Variants in BICRAL observed in about 807,000 individuals in gnomAD.
BICRAL encodes the protein BRD4-interacting chromatin-remodeling complex-associated protein-like.
A neutral mutation model predicts 91.8 loss-of-function variants in BICRAL; 8 were observed. The observed-to-expected ratio is 0.09, with a 90% CI of 0.05 to 0.16. The LOEUF is 0.16. BICRAL is among the 10% of genes least tolerant of loss of function. BICRAL has a pLI of 1.00. For missense variants in BICRAL, 1,038 were observed against 1,310.9 expected (o/e 0.79, Z 3.21); for synonymous variants, 445 against 491.1 (o/e 0.91, Z 1.24).
intron 1 of BICRAL, among the ~76,000 whole-genome samples, chr6:42,761,757 C>G (rs1235801451): frequency 6.6e-6 from 1 of 150,486 alleles, no homozygotes; most frequent in African/African-American, 2.4e-5. Flanking sequence ...TAAAAAATAC[C>G]AAAAAAAATA....
chr6:42,778,277 TG>T (rs1762830245), upstream of BICRAL, among the ~76,000 whole-genome samples: 1 of 152,206 alleles, frequency 6.6e-6, no homozygotes, highest in Non-Finnish European at 1.5e-5. Flanking sequence ...AAAGACTGCT[TG>T]TTCCAAAGAT....
At chr6:42,807,699 G>C (rs61505055) in intron 1 of BICRAL, among the ~76,000 whole-genome samples, 3 of 151,358 alleles carry the variant, frequency 2.0e-5, no homozygotes, top group East Asian at 4.0e-4. Flanking sequence ...CCAGCTACTC[G>C]GTAGGCTGAG....
intron 1 of BICRAL, among the ~76,000 whole-genome samples, chr6:42,808,648 A>G (rs1763777453): frequency 6.6e-6 from 1 of 152,164 alleles, no homozygotes; most frequent in South Asian, 2.1e-4. Context: ...CAGTTGAGTA[A>G]GAATTGAGCT....
chr6:42,757,992 A>G (rs1762487211), intron 1 of BICRAL, among the ~76,000 whole-genome samples: 1 of 152,192 alleles, frequency 6.6e-6, no homozygotes, highest in South Asian at 2.1e-4. Context: ...ACATCTGACC[A>G]TGCTCATGAC....
intron 6 of BICRAL, 137 bp downstream of exon 6, chr6:42,830,309 T>A: frequency 1.2e-6 from 1 of 847,298 alleles, no homozygotes; most frequent in Non-Finnish European, 1.8e-6. Flanking sequence ...CTCATGCCTG[T>A]AATCCCAACA....
At chr6:42,818,145 C>T (rs1255250244) in intron 2 of BICRAL, among the ~76,000 whole-genome samples, 5 of 152,102 alleles carry the variant, frequency 3.3e-5, no homozygotes, top group African/African-American at 9.7e-5. Flanking sequence ...CCTATTTCCC[C>T]ACTCCCTGCT....
chr6:42,829,448 C>T lies in BICRAL; in HGVS notation c.1115C>T (p.Pro372Leu). The part of the protein sequence containing the change: ...NIVNQQNTRK[P>L]VTSQAVSSTG... ...GTAAACCAACAGAACACAAGAAAGC[C>T]AGTCACCTCACAGGCAGTGAGCAGC... Residue 372 changes from proline to leucine, a missense_variant, in exon 6 of 13, where the codon CCA (proline) becomes CTA (leucine). Coordinates refer to ENST00000314073, the MANE Select transcript of BICRAL (RefSeq NM_001393499.1). 1 of 1,614,180 alleles carries T rather than the reference C, an allele frequency of 6.2e-7. No individual in the cohort carries two copies. The highest frequency in any genetic ancestry group is 8.5e-7 in the Non-Finnish European group (1 of 1,180,038).
At chr6:42,852,879 T>C (rs904879978) in intron 7 of BICRAL, among the ~76,000 whole-genome samples, 3 of 151,512 alleles carry the variant, frequency 2.0e-5, no homozygotes, top group African/African-American at 7.3e-5. Flanking sequence ...GGGCAGATCA[T>C]GAGGTCAGGA....
At position 42,853,742 on chromosome 6, in the gene BICRAL, G is replaced by GAAAAC. The variant is rs1361479735; in HGVS notation, c.2046+5_2046+9dup. 1 of 1,576,730 alleles carries GAAAAC rather than the reference G, an allele frequency of 6.3e-7. No individual in the cohort carries two copies. Among genetic ancestry groups the GAAAAC allele is most frequent in the Non-Finnish European group, 8.7e-7 (1 of 1,145,840 alleles). On this transcript the variant is annotated splice_donor_region_variant and intron_variant, in intron 8 of 12. Coordinates refer to ENST00000314073, the MANE Select transcript of BICRAL (RefSeq NM_001393499.1). The stretch of plus-strand genomic sequence containing the variant: ...TCCTGGCCATCCAGCTGTGCAGGTA[G>GAAAAC]AAAACTATTGGCATAGCCTCTTCCT...
intron 1 of BICRAL, among the ~76,000 whole-genome samples, chr6:42,753,687 G>T (rs1762416475): frequency 6.6e-6 from 1 of 151,840 alleles, no homozygotes; most frequent in African/African-American, 2.4e-5. Flanking sequence ...CCTTGGCTCA[G>T]TGCAACCCCC....
At chr6:42,777,506 A>T (rs1296285587), upstream of BICRAL, among the ~76,000 whole-genome samples, 1 of 152,190 alleles carries the variant, frequency 6.6e-6, no homozygotes, top group Admixed American at 6.6e-5. Context: ...CCGATAATTT[A>T]AAAAAATTTG....
intron 6 of BICRAL, among the ~76,000 whole-genome samples, chr6:42,850,887 G>A (rs893112179): frequency 1.3e-4 from 19 of 150,634 alleles, no homozygotes; most frequent in African/African-American, 4.4e-4. Flanking sequence ...AAAAACTGAG[G>A]GTAATTTAAA....
chr6:42,822,831 C>T lies in BICRAL; in HGVS notation c.77C>T (p.Pro26Leu). 3.2e-6 allele frequency: 5 copies of T among 1,571,702 alleles called. No homozygotes were observed. Among genetic ancestry groups the T allele is most frequent in the African/African-American group, 1.3e-5 (1 of 74,162 alleles). ...PQALNYFLHG[P>L]SNKSSNDDLT... is the part of the protein sequence containing the mutation. ...GCATTGAACTATTTTCTACATGGAC[C>T]TAGTAATAAATCTGTAAGTAATGCA... The change falls in exon 4 of 13, where the codon CCT becomes CTT. Residue 26 changes from proline to leucine, a missense_variant. Around this residue, in one of 5 missense-constraint regions of BICRAL, gnomAD observed 115 missense variants for 121.5 expected, o/e 0.95. Coordinates refer to ENST00000314073, the MANE Select transcript of BICRAL (RefSeq NM_001393499.1).
intron 1 of BICRAL, among the ~76,000 whole-genome samples, chr6:42,797,665 G>GT (rs1480296588): frequency 7.4e-4 from 112 of 152,130 alleles, no homozygotes; most frequent in Non-Finnish European, 3.4e-4. Flanking sequence ...AGCTATCACT[G>GT]TTTTTTTAAA....
intron 1 of BICRAL, among the ~76,000 whole-genome samples, chr6:42,774,659 T>C (rs1762785007): frequency 6.6e-6 from 1 of 152,152 alleles, no homozygotes; most frequent in African/African-American, 2.4e-5. Flanking sequence ...GGTGTCACTT[T>C]TACAGTATTA....
At chr6:42,779,633 T>C (rs1753649155), upstream of BICRAL, among the ~76,000 whole-genome samples, 2 of 152,204 alleles carry the variant, frequency 1.3e-5, no homozygotes, top group Non-Finnish European at 2.9e-5. Context: ...ACATTATGAA[T>C]GATAGAATGG....
intron 6 of BICRAL, among the ~76,000 whole-genome samples, chr6:42,848,327 A>T (rs1404433621): frequency 6.6e-6 from 1 of 151,880 alleles, no homozygotes; most frequent in Non-Finnish European, 1.5e-5. Flanking sequence ...AGGTGGGATG[A>T]TGGCTTGAGC....
upstream of BICRAL, among the ~76,000 whole-genome samples, chr6:42,779,383 A>G (rs1762853392): frequency 6.6e-6 from 1 of 152,118 alleles, no homozygotes; most frequent in South Asian, 2.1e-4. Context: ...GGGTATTATA[A>G]TTACATCCCA....
intron 6 of BICRAL, among the ~76,000 whole-genome samples, chr6:42,832,894 T>C (rs563343937): frequency 1.3e-5 from 2 of 152,210 alleles, no homozygotes; most frequent in East Asian, 3.9e-4. Context: ...ATCAGCATTA[T>C]TACAATACTA....
Sources: gnomAD v4.1 joint callset for allele counts (sites outside exome capture counted in the v4.1 genomes callset) on GRCh38, gnomAD v4.1.1 for gene constraint, gnomAD v4.1.1 regional missense constraint, MANE v1.5 for transcripts, NCBI Gene and HGNC (gene_info 2026-07-23, HGNC 2026-07-21) for gene names.